The following SLC25A21 variants were observed in gnomAD, a reference collection of about 807,000 sequenced individuals.
SLC25A21 encodes the protein solute carrier family 25 member 21, also known as mitochondrial 2-oxodicarboxylate carrier.
A neutral mutation model predicts 43.8 loss-of-function variants in SLC25A21; 47 were observed. The observed-to-expected ratio is 1.07, with a 90% CI of 0.85 to 1.37. SLC25A21 has a LOEUF of 1.37. Ranked by LOEUF, SLC25A21 falls within the 40% of genes most tolerant of loss-of-function variation. The pLI, the probability that SLC25A21 is intolerant of heterozygous loss-of-function variation, is 0.00. For synonymous variants in SLC25A21, 131 were observed against 121.3 expected (o/e 1.08, Z -0.52); for missense variants, 352 against 350.2 (o/e 1.00, Z -0.04).
intron 1 of SLC25A21, among the ~76,000 whole-genome samples, chr14:36,891,884 C>T (rs921384387): frequency 6.6e-6 from 1 of 152,134 alleles, no homozygotes; most frequent in Admixed American, 6.6e-5. Context: ...GTGGCAGGAA[C>T]CTGTGTCACA....
At chr14:36,833,112 AG>A (rs1269780005) in intron 2 of SLC25A21, among the ~76,000 whole-genome samples, 2 of 152,248 alleles carry the variant, frequency 1.3e-5, no homozygotes, top group African/African-American at 4.8e-5. Flanking sequence ...TACACAAGGA[AG>A]TTTAAAAATC....
intron 2 of SLC25A21, among the ~76,000 whole-genome samples, chr14:36,860,905 GT>G (rs1890048513): frequency 6.6e-6 from 1 of 152,128 alleles, no homozygotes; most frequent in Non-Finnish European, 1.5e-5. Flanking sequence ...ATTTTGTGTG[GT>G]TTTTGCTATA....
chr14:36,766,776 G>C (rs1054793545), intron 3 of SLC25A21, among the ~76,000 whole-genome samples: 1 of 151,990 alleles, frequency 6.6e-6, no homozygotes, highest in Non-Finnish European at 1.5e-5. Flanking sequence ...CTGACTCCAG[G>C]GTCTGTCACT....
At chr14:36,744,598 T>A (rs1885415266) in intron 3 of SLC25A21, among the ~76,000 whole-genome samples, 3 of 44,874 alleles carry the variant, frequency 6.7e-5, no homozygotes, top group African/African-American at 1.9e-4. Context: ...GAAAAAGAAA[T>A]ATAGGAGAAA....
intron 1 of SLC25A21, among the ~76,000 whole-genome samples, chr14:37,047,912 T>C (rs1961622630): frequency 1.3e-5 from 2 of 152,194 alleles, no homozygotes; most frequent in African/African-American, 4.8e-5. Context: ...ACTGTAGGTG[T>C]TGGATTTTAT....
chr14:36,843,568 A>AT (rs1302465740), intron 2 of SLC25A21, among the ~76,000 whole-genome samples: 1 of 152,134 alleles, frequency 6.6e-6, no homozygotes, highest in East Asian at 1.9e-4. Context: ...ATATCTATCA[A>AT]TACATACAGA....
At chr14:36,982,913 C>T (rs1344438257) in intron 1 of SLC25A21, among the ~76,000 whole-genome samples, 3 of 152,108 alleles carry the variant, frequency 2.0e-5, no homozygotes, top group South Asian at 2.1e-4. Flanking sequence ...AAGAGGAACA[C>T]ACTTGTTTGT....
chr14:36,849,554 T>C (rs182792324), intron 2 of SLC25A21, among the ~76,000 whole-genome samples: 21 of 152,348 alleles, frequency 1.4e-4, no homozygotes, highest in Admixed American at 1.4e-3. Context: ...AAAGAACTTA[T>C]TTCCTTTCAT....
At chr14:37,125,786 G>A (rs1963286963) in intron 1 of SLC25A21, among the ~76,000 whole-genome samples, 2 of 152,274 alleles carry the variant, frequency 1.3e-5, no homozygotes, top group South Asian at 4.1e-4. Flanking sequence ...GCGGGAAGAA[G>A]TCAACTGGGA....
intron 1 of SLC25A21, among the ~76,000 whole-genome samples, chr14:37,031,345 A>C (rs1248502301): frequency 6.6e-6 from 1 of 152,206 alleles, no homozygotes; most frequent in Non-Finnish European, 1.5e-5. Context: ...TTAAAAAAGA[A>C]TCTTTGGCTC....
intron 1 of SLC25A21, among the ~76,000 whole-genome samples, chr14:36,984,282 C>T (rs540404058): frequency 1.2e-4 from 18 of 152,118 alleles, no homozygotes; most frequent in South Asian, 6.2e-4. Context: ...AGAGTTGCAA[C>T]GACACTGACA....
chr14:36,813,562 G>A (rs1888347857), intron 3 of SLC25A21, among the ~76,000 whole-genome samples: 1 of 152,026 alleles, frequency 6.6e-6, no homozygotes, highest in African/African-American at 2.4e-5. Context: ...TGTTTTATTT[G>A]TATATTCATA....
intron 2 of SLC25A21, among the ~76,000 whole-genome samples, chr14:36,818,128 T>C (rs559707800): frequency 6.6e-6 from 1 of 152,222 alleles, no homozygotes; most frequent in African/African-American, 2.4e-5. Context: ...TGTTTAGAAA[T>C]AGTGTTTCAG....
chr14:36,784,525 C>T (rs77864327), intron 3 of SLC25A21, among the ~76,000 whole-genome samples: 1 of 152,200 alleles, frequency 6.6e-6, no homozygotes, highest in Non-Finnish European at 1.5e-5. Context: ...ACAATAATCT[C>T]TCTCAGGGTT....
intron 9 of SLC25A21, among the ~76,000 whole-genome samples, chr14:36,681,256 AC>A (rs1882243248): frequency 6.6e-6 from 1 of 152,230 alleles, no homozygotes; most frequent in Non-Finnish European, 1.5e-5. Flanking sequence ...GCAAAACCTA[AC>A]AAAAGGAGGT....
chr14:36,686,372 G>A (rs74044472), intron 7 of SLC25A21, among the ~76,000 whole-genome samples: 4,703 of 152,118 alleles, frequency 0.031, 243 homozygotes, highest in African/African-American at 0.11. Flanking sequence ...CTTTTACAAG[G>A]AGAGAAAAAT....
chr14:36,715,730 T>C (rs1884099730), intron 6 of SLC25A21, among the ~76,000 whole-genome samples: 1 of 152,164 alleles, frequency 6.6e-6, no homozygotes, highest in Non-Finnish European at 1.5e-5. Flanking sequence ...CCTATGAGAG[T>C]ATTCTATAAT....
chr14:37,072,296 C>T (rs890692705), intron 1 of SLC25A21, among the ~76,000 whole-genome samples: 10 of 151,986 alleles, frequency 6.6e-5, no homozygotes, highest in Non-Finnish European at 1.2e-4. Context: ...ACTCTGCATC[C>T]AGGGGCCATA....
intron 1 of SLC25A21, among the ~76,000 whole-genome samples, chr14:37,131,092 C>T (rs1472703778): frequency 1.3e-5 from 2 of 152,174 alleles, no homozygotes; most frequent in African/African-American, 4.8e-5. Flanking sequence ...AACACGTTTG[C>T]ACACTTTTAA....
Sources: gnomAD v4.1 joint callset for allele counts (sites outside exome capture counted in the v4.1 genomes callset) on GRCh38, gnomAD v4.1.1 for gene constraint, MANE v1.5 for transcripts, NCBI Gene and HGNC (gene_info 2026-07-23, HGNC 2026-07-21) for gene names.